The following ZP4 variants were observed in gnomAD, a reference collection of about 807,000 sequenced individuals.
The protein encoded by ZP4 is zona pellucida glycoprotein 4, also known as zona pellucida sperm-binding protein 4.
A neutral mutation model predicts 62.3 loss-of-function variants in ZP4; 62 were observed. That is an observed-to-expected ratio of 0.99 (90% CI 0.81 to 1.23). The LOEUF (loss-of-function observed/expected upper bound fraction) is 1.23. Among genes scored for constraint, ZP4 ranks in the 50% most tolerant of loss-of-function variants. The pLI is 0.00. For missense variants in ZP4, 774 were observed against 656.0 expected, an observed-to-expected ratio of 1.18 and a Z score of -1.97; for synonymous variants, 289 against 247.3, an observed-to-expected ratio of 1.17 and a Z score of -1.58.
chr1:237,884,023 C>CAAACACACACAAACACACACAA (rs1418096054), intron 10 of ZP4, among the ~76,000 whole-genome samples: 1 of 65,226 alleles, frequency 1.5e-5, no homozygotes, highest in Non-Finnish European at 3.4e-5. Context: ...CACAAACACA[C>CAAACACACACAAACACACACAA]ACACACACAA....
At chr1:237,889,549 C>T (rs1665187957) in intron 3 of ZP4, among the ~76,000 whole-genome samples, 1 of 151,940 alleles carries the variant, frequency 6.6e-6, no homozygotes, top group Non-Finnish European at 1.5e-5. Flanking sequence ...AACTCCCGAC[C>T]TGATCCACCT....
chr1:237,883,663 CCGGGGGA>C, intron 10 of ZP4, among the ~76,000 whole-genome samples: 1 of 5,268 alleles, frequency 1.9e-4, no homozygotes, highest in Non-Finnish European at 3.6e-4. Flanking sequence ...CGGGGGAGGG[CCGGGGGA>C]GGGCGGGGGA....
chr1:237,887,580 G>A lies in ZP4; in HGVS notation c.554-19C>T. On this transcript the variant is annotated intron_variant, in intron 4 of 11. Coordinates refer to ENST00000366570, the MANE Select transcript of ZP4 (RefSeq NM_021186.5). ...AAGGTCACTGAAACAGAGCAGCTGT[G>A]CTGAAGGCAGGTCATCTCTCCCATT... 6.2e-7 allele frequency: 1 copy of A among 1,607,000 alleles called. No individual in the cohort carries two copies. The highest frequency in any genetic ancestry group is 8.5e-7 in the Non-Finnish European group (1 of 1,176,296).
At chr1:237,884,645 A>G in intron 10 of ZP4, 124 bp downstream of exon 10, 1 of 820,018 alleles carries the variant, frequency 1.2e-6, no homozygotes, top group East Asian at 2.7e-5. Context: ...TGGCACCGCA[A>G]GTACTTAGAG....
At chr1:237,882,641 G>A in intron 11 of ZP4, 92 bp from the exon 12 acceptor site, 2 of 1,573,488 alleles carry the variant, frequency 1.3e-6, no homozygotes, top group Non-Finnish European at 8.6e-7. Context: ...CTATAGGAAG[G>A]TCAATTTCTT....
chr1:237,887,302 A>G (rs1413856945), intron 5 of ZP4, 72 bp downstream of exon 5: 3 of 1,533,108 alleles, frequency 2.0e-6, no homozygotes, highest in Non-Finnish European at 2.7e-6. Flanking sequence ...AACATATTTC[A>G]GCTCTCCCCC....
intron 10 of ZP4, among the ~76,000 whole-genome samples, chr1:237,884,017 A>ACACACACACACACACAC (rs1665026966): frequency 2.3e-5 from 2 of 87,940 alleles, no homozygotes; most frequent in African/African-American, 9.7e-5. Context: ...CACACACACA[A>ACACACACACACACACAC]ACACACACAC....
intron 8 of ZP4, 32 bp downstream of exon 8, chr1:237,885,359 T>C: frequency 6.2e-7 from 1 of 1,611,392 alleles, no homozygotes; most frequent in South Asian, 1.1e-5. Flanking sequence ...TCTTTGAGAA[T>C]TTCAGCACAG....
At chr1:237,884,869 G>T (rs1418523183) in intron 9 of ZP4, 22 bp from the exon 10 acceptor site, 1 of 1,608,658 alleles carries the variant, frequency 6.2e-7, no homozygotes, top group Non-Finnish European at 8.5e-7. Flanking sequence ...CAGAATTCAG[G>T]TCATTTGTAG....
Position 237,885,470 on chromosome 1 carries a change from C to A in ZP4, c.1081G>T (p.Gly361Trp). Reference sequence around the variant, plus strand: ...GCCCAACACTGTTGTAGGAGCAGCCCCAGGTAGGGGTCTGTTCTGTGAAGG... The same window carrying A: ...GCCCAACACTGTTGTAGGAGCAGCCACAGGTAGGGGTCTGTTCTGTGAAGG... The part of the protein sequence containing the change: ...SILHRTDPYL[G>W]LLLQQCWATP... Residue 361 changes from glycine (G) to tryptophan (W), a missense_variant, in exon 8 of 12, where the codon GGG (glycine) becomes TGG (tryptophan). Coordinates refer to ENST00000366570, the MANE Select transcript of ZP4 (RefSeq NM_021186.5). The A allele has an allele frequency of 1.2e-6, 2 of 1,614,034 alleles. No homozygotes were observed. The highest frequency in any genetic ancestry group is 1.7e-6 in the Non-Finnish European group (2 of 1,179,996).
At position 237,890,622 on chromosome 1, in the gene ZP4, C is replaced by T. The variant is rs766430077; in HGVS notation, c.14G>A (p.Arg5Gln). Residue 5 changes from arginine (R) to glutamine (Q), a missense_variant, in exon 1 of 12, where the codon CGG becomes CAG. Arg to Gln is a conservative substitution (Grantham distance 43). Coordinates refer to ENST00000366570, the MANE Select transcript of ZP4 (RefSeq NM_021186.5). ...TAATGAAACACACAGCAAAACGCACCGCAGCAGCCACATAATGCTACCAGG... is the reference window on the plus strand; with the variant it reads ...TAATGAAACACACAGCAAAACGCACTGCAGCAGCCACATAATGCTACCAGG... Reference protein sequence around the residue: MWLLRCVLLCVSLSL... With the variant: MWLLQCVLLCVSLSL... 34 of 1,612,864 alleles carry T rather than the reference C, an allele frequency of 2.1e-5. No individual in the cohort carries two copies. Among genetic ancestry groups the T allele is most frequent in the South Asian group, 1.2e-4 (11 of 90,892 alleles).
intron 4 of ZP4, among the ~76,000 whole-genome samples, 170 bp downstream of exon 4, chr1:237,888,188 C>G (rs149637971): frequency 1.1e-4 from 17 of 152,352 alleles, no homozygotes; most frequent in East Asian, 3.9e-4. Flanking sequence ...GGAGAATGGA[C>G]AGTGGGAGTT....
intron 10 of ZP4, 77 bp from the exon 11 acceptor site, chr1:237,882,923 G>T: frequency 4.0e-6 from 5 of 1,234,762 alleles, no homozygotes; most frequent in Non-Finnish European, 5.8e-6. Flanking sequence ...TATGGTGCAA[G>T]GCCAAGTGTC....
intron 3 of ZP4, among the ~76,000 whole-genome samples, chr1:237,889,313 GTAT>G (rs1456907742): frequency 1.5e-5 from 2 of 133,024 alleles, no homozygotes; most frequent in African/African-American, 6.5e-5. Context: ...GAGATAGGTT[GTAT>G]TTTTTTTTTT....
chr1:237,887,770 T>A (rs970488733), intron 4 of ZP4, among the ~76,000 whole-genome samples: 9 of 152,204 alleles, frequency 5.9e-5, no homozygotes, highest in Non-Finnish European at 1.2e-4. Context: ...ACTTATTGTG[T>A]GACCTCAGGC....
Position 237,890,156 on chromosome 1 carries a change from C to T in ZP4, c.196G>A (p.Glu66Lys), listed in dbSNP as rs745619424. 30 of 1,613,862 alleles carry T rather than the reference C, an allele frequency of 1.9e-5. No homozygotes were observed. The Admixed American group carries it at 2.2e-4, about 12-fold the overall frequency. Residue 66 changes from glutamate (E) to lysine (K), a missense_variant, in exon 2 of 12, where the codon GAG becomes AAG. Physicochemically the swap from Glu to Lys is moderately conservative, Grantham distance 56 (BLOSUM62 1). Transcript: ENST00000366570. Reference protein sequence around the residue: ...IAWDNQGLLHELQNDSDCGTW... With the variant: ...IAWDNQGLLHKLQNDSDCGTW... The stretch of plus-strand genomic sequence containing the variant: ...CCACAGTCGGAGTCATTCTGCAGCT[C>T]GTGCAGCAGCCCTTGGTTGTCTGGA...
chr1:237,884,648 A>C, intron 10 of ZP4, 121 bp downstream of exon 10: 1 of 853,914 alleles, frequency 1.2e-6, no homozygotes, highest in African/African-American at 1.7e-5. Context: ...CACCGCAAGT[A>C]CTTAGAGAAG....
intron 10 of ZP4, 108 bp from the exon 11 acceptor site, chr1:237,882,954 G>T: frequency 1.3e-6 from 1 of 771,642 alleles, no homozygotes; most frequent in South Asian, 2.1e-5. Context: ...TTGGTTCTAT[G>T]CCTTACAAAA....
chr1:237,883,997 CACACACACACACACACACAA>C (rs755593333), intron 10 of ZP4, among the ~76,000 whole-genome samples: 8,659 of 97,614 alleles, frequency 0.089, 707 homozygotes, highest in South Asian at 0.14. Flanking sequence ...CACACACACA[CACACACACACACACACACAA>C]ACACACACAC....
Sources: gnomAD v4.1 joint callset for allele counts (sites outside exome capture counted in the v4.1 genomes callset) on GRCh38, gnomAD v4.1.1 for gene constraint, MANE v1.5 for transcripts, NCBI Gene and HGNC (gene_info 2026-07-23, HGNC 2026-07-21) for gene names.